TRIM75: variants seen among roughly 807,000 people sequenced by gnomAD.
TRIM75 encodes tripartite motif-containing protein 75.
chr4:165,057,750 T>A, the TRIM75 span, among the ~76,000 whole-genome samples: 965 of 152,226 alleles, frequency 6.3e-3, 15 homozygotes, highest in African/African-American at 0.022. Context: ...GCCAGGCTGG[T>A]CTCAAACTCC....
chr4:165,057,030 C>CT, the TRIM75 span, among the ~76,000 whole-genome samples: 181 of 151,960 alleles, frequency 1.2e-3, 6 homozygotes, highest in East Asian at 0.032. Flanking sequence ...AAGATGCCCG[C>CT]TTTTTTTTAT....
the TRIM75 span, among the ~76,000 whole-genome samples, chr4:165,055,857 T>C: frequency 2.0e-5 from 3 of 151,036 alleles, no homozygotes; most frequent in East Asian, 5.9e-4. Context: ...CCGATGCAGG[T>C]GGATCACGTG....
chr4:165,054,946 G>A, the TRIM75 span, among the ~76,000 whole-genome samples: 1 of 152,030 alleles, frequency 6.6e-6, no homozygotes, highest in African/African-American at 2.4e-5. Context: ...TATAGAGTTG[G>A]GGGTGGGGTG....
the TRIM75 span, chr4:165,060,311 G>A: frequency 1.3e-6 from 1 of 780,946 alleles, no homozygotes; most frequent in Non-Finnish European, 2.4e-6. Flanking sequence ...GGAGAATTGA[G>A]CTGCAAGATG....
the TRIM75 span, among the ~76,000 whole-genome samples, chr4:165,055,655 C>A: frequency 7.9e-5 from 12 of 152,176 alleles, no homozygotes; most frequent in East Asian, 2.3e-3. Flanking sequence ...AGAGGGGAAG[C>A]CTGAAATCTG....
the TRIM75 span, among the ~76,000 whole-genome samples, chr4:165,054,122 A>G: frequency 6.6e-6 from 1 of 151,842 alleles, no homozygotes; most frequent in East Asian, 1.9e-4. Flanking sequence ...AGACGCAATC[A>G]CGCTCTGTGA....
chr4:165,055,298 T>C, the TRIM75 span, among the ~76,000 whole-genome samples: 1 of 147,076 alleles, frequency 6.8e-6, no homozygotes. Context: ...TTTTTTTTTT[T>C]TTTGCGATGG....
the TRIM75 span, among the ~76,000 whole-genome samples, chr4:165,054,692 G>T: frequency 6.6e-6 from 1 of 152,256 alleles, no homozygotes; most frequent in Admixed American, 6.5e-5. Flanking sequence ...GAACTACCGC[G>T]CCTGCGGCAT....
chr4:165,056,602 C>CTTTTTTTT, the TRIM75 span, among the ~76,000 whole-genome samples: 82 of 69,994 alleles, frequency 1.2e-3, 3 homozygotes, highest in Non-Finnish European at 1.9e-3. Context: ...GTCTCTGTCT[C>CTTTTTTTT]TTTTTTTTTT....
chr4:165,059,957 T>C, the TRIM75 span: 2 of 778,910 alleles, frequency 2.6e-6, no homozygotes, highest in East Asian at 4.8e-5. Context: ...TTTCAATTCA[T>C]TTAAAGAGAG....
At chr4:165,060,016 A>C in the TRIM75 span, 1 of 772,706 alleles carries the variant, frequency 1.3e-6, no homozygotes, top group East Asian at 2.4e-5. Flanking sequence ...AGAATTATAA[A>C]GAAATTTAAA....
chr4:165,054,999 G>T, the TRIM75 span, among the ~76,000 whole-genome samples: 1 of 152,068 alleles, frequency 6.6e-6, no homozygotes, highest in Non-Finnish European at 1.5e-5. Flanking sequence ...TCCCCATCAG[G>T]CTGTTTATGG....
the TRIM75 span, chr4:165,060,163 T>C: frequency 6.1e-5 from 48 of 780,860 alleles, no homozygotes; most frequent in Non-Finnish European, 1.1e-4. Context: ...CCAGTTGTTC[T>C]GGGTTTTCCG....
At chr4:165,059,324 G>C in the TRIM75 span, 1 of 780,538 alleles carries the variant, frequency 1.3e-6, no homozygotes, top group Admixed American at 1.7e-5. Context: ...GTCGTCACCA[G>C]TGTCAAGAGG....
the TRIM75 span, chr4:165,060,118 AG>A: frequency 2.6e-6 from 2 of 780,828 alleles, no homozygotes; most frequent in Admixed American, 1.7e-5. Context: ...AGAAAACAAA[AG>A]GTTCCTGGTT....
chr4:165,060,094 T>C, the TRIM75 span: 1 of 780,884 alleles, frequency 1.3e-6, no homozygotes. Flanking sequence ...AAAAAACGTG[T>C]GAGATTTACA....
chr4:165,055,298 T>G, the TRIM75 span, among the ~76,000 whole-genome samples: 160 of 147,074 alleles, frequency 1.1e-3, no homozygotes, highest in African/African-American at 4.1e-3. Flanking sequence ...TTTTTTTTTT[T>G]TTTGCGATGG....
chr4:165,056,056 C>T, the TRIM75 span, among the ~76,000 whole-genome samples: 1 of 151,338 alleles, frequency 6.6e-6, no homozygotes, highest in East Asian at 2.0e-4. Context: ...GCTGGGACTA[C>T]AGGCATCAGT....
At chr4:165,056,906 T>C in the TRIM75 span, among the ~76,000 whole-genome samples, 4 of 152,076 alleles carry the variant, frequency 2.6e-5, no homozygotes, top group Non-Finnish European at 5.9e-5. Context: ...CGTGAGCCAC[T>C]GCGCCCGGCC....
Sources: gnomAD v4.1 joint callset for allele counts (sites outside exome capture counted in the v4.1 genomes callset) on GRCh38, gnomAD v4.1.1 for gene constraint, MANE v1.5 for transcripts, NCBI Gene and HGNC (gene_info 2026-07-23, HGNC 2026-07-21) for gene names.